Variants in MPV17L observed in about 807,000 individuals in gnomAD.
MPV17L encodes the protein MPV17 mitochondrial inner membrane protein like.
Under a neutral mutation model 25.8 loss-of-function variants are expected in MPV17L, and 24 were observed. That is an observed-to-expected ratio of 0.93 (90% confidence interval 0.67 to 1.31). The LOEUF is 1.31. Among genes scored for constraint, MPV17L ranks in the 50% most tolerant of loss-of-function variants. The pLI is 0.00. For missense variants in MPV17L, 250 were observed against 265.6 expected, an observed-to-expected ratio of 0.94 and a Z score of 0.41; for synonymous variants, 102 against 115.3, an observed-to-expected ratio of 0.88 and a Z score of 0.74.
In MPV17L at chr16:15,396,080, C is replaced by T. The variant is rs1222657249; in HGVS notation, c.183C>T (p.Asn61=). Residue 61 remains asparagine, a synonymous_variant, in exon 1 of 4, where the codon AAC becomes AAT. Coordinates refer to ENST00000396385, the MANE Select transcript of MPV17L (RefSeq NM_001128423.2). The part of the protein sequence containing the change: ...VATLVVTFHA[N]FNYVWLRLLE... ...CGTTGGTGGTGACCTTCCACGCCAA[C>T]TTCAACTACGTGTGGCTGCGCCTGC... is the stretch of plus-strand genomic sequence containing the variant. 1.3e-6 allele frequency: 2 copies of T among 1,545,864 alleles called. No homozygotes were observed. Among genetic ancestry groups the T allele is most frequent in the Non-Finnish European group, 8.7e-7 (1 of 1,148,302 alleles).
At position 15,397,038 on chromosome 16, in the gene MPV17L, G is replaced by A. The variant is rs529658100; in HGVS notation, c.310+831G>A. Among the ~76,000 whole-genome samples, 9 of 152,224 alleles carry A rather than the reference G, an allele frequency of 5.9e-5. 1 individual carries two copies. In the South Asian group the frequency reaches 1.9e-3, roughly 32 times the overall value. Reference sequence around the variant, plus strand: ...ATACCGGGGTTCATTCCCTTAACGAGTCACAAAGGACTCCACCAAGAGGCG... The same window carrying A: ...ATACCGGGGTTCATTCCCTTAACGAATCACAAAGGACTCCACCAAGAGGCG... On this transcript the variant is annotated intron_variant, in intron 1 of 3. Transcript: ENST00000396385.
chr16:15,397,525 G>T (rs1041999560), intron 1 of MPV17L, among the ~76,000 whole-genome samples: 9 of 152,120 alleles, frequency 5.9e-5, no homozygotes, highest in Admixed American at 1.3e-4. Flanking sequence ...GTGGCCTCTA[G>T]CATCATTGCG....
chr16:15,396,250 G>T (rs1483606342), intron 1 of MPV17L, 43 bp downstream of exon 1: 1 of 1,536,128 alleles, frequency 6.5e-7, no homozygotes, highest in South Asian at 1.2e-5. Context: ...ACCCAGTATT[G>T]GGGGACTGGA....
intron 1 of MPV17L, among the ~76,000 whole-genome samples, chr16:15,399,203 A>G (rs980835446): frequency 6.6e-6 from 1 of 152,086 alleles, no homozygotes; most frequent in Non-Finnish European, 1.5e-5. Flanking sequence ...ACTACATAGC[A>G]TTTAATTAAT....
chr16:15,403,910 G>A (rs147047686), intron 2 of MPV17L, among the ~76,000 whole-genome samples: 8 of 152,172 alleles, frequency 5.3e-5, no homozygotes, highest in African/African-American at 1.4e-4. Flanking sequence ...GCTCACGCCT[G>A]TAATCACAGC....
Position 15,400,843 on chromosome 16 carries a change from T to A in MPV17L, c.367T>A (p.Trp123Arg). Reference protein sequence around the residue: ...DIFLDLKQKFWNTYLSGLMYW... With the variant: ...DIFLDLKQKFRNTYLSGLMYW... ...ATTTTTGGACCTGAAACAGAAATTCTGGAATACCTATCTGGTAAGATAGGC... is the reference window on the plus strand; with the variant it reads ...ATTTTTGGACCTGAAACAGAAATTCAGGAATACCTATCTGGTAAGATAGGC... Residue 123 changes from tryptophan (W) to arginine (R), a missense_variant, in exon 2 of 4, where the codon TGG becomes AGG. Coordinates refer to ENST00000396385, the MANE Select transcript of MPV17L (RefSeq NM_001128423.2). 1.9e-6 allele frequency: 3 copies of A among 1,604,772 alleles called. No individual in the cohort carries two copies. Among genetic ancestry groups the A allele is most frequent in the Non-Finnish European group, 2.6e-6 (3 of 1,174,934 alleles).
rs1473303869 is a variant in MPV17L at position 15,408,088 on chromosome 16, C to G, written c.567C>G (p.Ala189=). Residue 189 remains alanine, a synonymous_variant, in exon 4 of 4, where the codon GCC becomes GCG. Transcript: ENST00000396385. ...FTILYTKGTS[A]TEGYPKK ...TTTTATATACAAAGGGGACCAGTGC[C>G]ACAGAAGGGTACCCGAAGAAATGAG... 1 of 1,606,648 alleles carries G rather than the reference C, an allele frequency of 6.2e-7. No homozygotes were observed. Among genetic ancestry groups the G allele is most frequent in the Non-Finnish European group, 8.5e-7 (1 of 1,175,828 alleles).
intron 2 of MPV17L, among the ~76,000 whole-genome samples, chr16:15,401,641 G>A (rs1457682307): frequency 6.6e-6 from 1 of 152,056 alleles, no homozygotes; most frequent in Non-Finnish European, 1.5e-5. Context: ...CCAATATGGT[G>A]AAACCCTGTT....
At chr16:15,404,837 AC>A (rs1264477834) in intron 2 of MPV17L, among the ~76,000 whole-genome samples, 2 of 152,236 alleles carry the variant, frequency 1.3e-5, no homozygotes, top group East Asian at 3.9e-4. Flanking sequence ...AAACAAACAA[AC>A]AAAAAAGAAA....
Position 15,409,271 on chromosome 16 carries a change from G to A in MPV17L, c.*1159G>A, listed in dbSNP as rs1343366650. The A allele has an allele frequency of 6.6e-6, 1 of 152,158 alleles. No individual in the cohort carries two copies. The highest frequency in any genetic ancestry group is 1.9e-4 in the East Asian group (1 of 5,166). The allele number at this position is 152,158 out of a possible 1,614,324, so 9.4% of individuals were successfully genotyped here. The stretch of plus-strand genomic sequence containing the variant: ...TCATTTTTGTATTTTTAGTAGAGAG[G>A]GCGTTTTGCCATGTTGGCTAGGCTG... On this transcript the variant is annotated 3_prime_UTR_variant, in exon 4 of 4. Transcript: ENST00000396385.
chr16:15,406,184 A>G (rs62039094), intron 2 of MPV17L, among the ~76,000 whole-genome samples: 15,488 of 151,816 alleles, frequency 0.1, 852 homozygotes, highest in South Asian at 0.13. Flanking sequence ...GCAAAACTCC[A>G]TCTCAAAAAA....
At chr16:15,407,739 C>G (rs2050694091) in intron 2 of MPV17L, 85 bp from the exon 3 acceptor site, 1 of 1,346,438 alleles carries the variant, frequency 7.4e-7, no homozygotes, top group Non-Finnish European at 1.0e-6. Flanking sequence ...GAGACCCTGT[C>G]TCAAAAAATA....
At chr16:15,403,959 G>A (rs2050660310) in intron 2 of MPV17L, among the ~76,000 whole-genome samples, 1 of 151,570 alleles carries the variant, frequency 6.6e-6, no homozygotes, top group Non-Finnish European at 1.5e-5. Flanking sequence ...TGAGGTCAAG[G>A]GATCGAGCCC....
chr16:15,396,230 G>C (rs1301685233), intron 1 of MPV17L, 23 bp downstream of exon 1: 3 of 1,544,274 alleles, frequency 1.9e-6, no homozygotes, highest in South Asian at 1.2e-5. Context: ...GAGGGGACCT[G>C]GGGGGTGGGA....
At chr16:15,407,415 A>G (rs1258210894) in intron 2 of MPV17L, among the ~76,000 whole-genome samples, 2 of 151,940 alleles carry the variant, frequency 1.3e-5, no homozygotes, top group African/African-American at 2.4e-5. Flanking sequence ...TTACTCTTTT[A>G]TGGAATGAAC....
At chr16:15,396,690 G>A (rs1453258376) in intron 1 of MPV17L, among the ~76,000 whole-genome samples, 2 of 152,166 alleles carry the variant, frequency 1.3e-5, no homozygotes, top group African/African-American at 2.4e-5. Flanking sequence ...CTGGGGCCCC[G>A]GGGCCAACAC....
intron 1 of MPV17L, among the ~76,000 whole-genome samples, chr16:15,400,552 T>C (rs2050624706): frequency 6.6e-6 from 1 of 152,060 alleles, no homozygotes; most frequent in Non-Finnish European, 1.5e-5. Context: ...TTTTGCCCTG[T>C]TGCCCAGGCT....
At position 15,409,503 on chromosome 16, in the gene MPV17L, A is replaced by G. The variant is rs1488190810; in HGVS notation, c.*1391A>G. ...CCCACCCTTAAGAAGGTTCTTTTTA[A>G]TTCTCCCCACCCTTGAGAATGTACT... is the stretch of plus-strand genomic sequence containing the variant. On this transcript the variant is annotated 3_prime_UTR_variant, in exon 4 of 4. Transcript: ENST00000396385. The G allele has an allele frequency of 6.6e-6, 1 of 152,088 alleles. No homozygotes were observed. Among genetic ancestry groups the G allele is most frequent in the African/African-American group, 2.4e-5 (1 of 41,410 alleles). The allele number at this position is 152,088 out of a possible 1,614,324, so 9.4% of individuals were successfully genotyped here.
chr16:15,396,410 T>C (rs568797316), intron 1 of MPV17L, among the ~76,000 whole-genome samples: 3 of 151,562 alleles, frequency 2.0e-5, no homozygotes, highest in African/African-American at 4.9e-5. Flanking sequence ...ATTGCGAAAA[T>C]TTGCAGGAGG....
Sources: allele counts gnomAD v4.1 joint callset (sites outside exome capture counted in the v4.1 genomes callset), GRCh38; gene constraint gnomAD v4.1.1; transcripts MANE v1.5; gene names NCBI Gene and HGNC (gene_info 2026-07-23, HGNC 2026-07-21).